Variants in DNAJC21 observed in about 807,000 individuals in gnomAD.
The protein encoded by DNAJC21 is DnaJ heat shock protein family (Hsp40) member C21, also known as dnaJ homolog subfamily C member 21.
In DNAJC21, 63 loss-of-function variants were observed where a neutral mutation model predicts 72.4. The ratio of observed to expected loss-of-function variants is 0.87; its 90% CI spans 0.71 to 1.07. The LOEUF (loss-of-function observed/expected upper bound fraction) is 1.07. Ranked by LOEUF, DNAJC21 falls within the 50% of genes least tolerant of loss-of-function variation. The pLI is 0.00. For synonymous variants in DNAJC21, 203 were observed against 216.7 expected, an observed-to-expected ratio of 0.94 and a Z score of 0.56; for missense variants, 634 against 644.8, an observed-to-expected ratio of 0.98 and a Z score of 0.18.
intron 4 of DNAJC21, among the ~76,000 whole-genome samples, chr5:34,936,567 C>T (rs1385075312): frequency 5.9e-5 from 9 of 152,074 alleles, no homozygotes; most frequent in Non-Finnish European, 1.0e-4. Flanking sequence ...CCTTGGCCTC[C>T]CAAAAGATTG....
chr5:34,941,027 A>G (rs1764968697), intron 6 of DNAJC21, 69 bp from the exon 7 acceptor site: 2 of 1,250,910 alleles, frequency 1.6e-6, no homozygotes, highest in Non-Finnish European at 2.3e-6. Context: ...TTAATTTCTA[A>G]TTTGTTAGCA....
chr5:34,955,905 T>C lies in DNAJC21; in HGVS notation c.*1191T>C, dbSNP rs1255272199. The C allele has an allele frequency of 1.3e-5, 2 of 149,998 alleles. No individual in the cohort carries two copies. The highest frequency in any genetic ancestry group is 3.0e-5 in the Non-Finnish European group (2 of 67,540). 9.3% of individuals were successfully genotyped at this position (149,998 alleles called of 1,614,324 possible). On this transcript the variant is annotated 3_prime_UTR_variant, in exon 12 of 12. Transcript: ENST00000648817. Reference sequence around the variant, plus strand: ...CGTCTCTACTAAAAATACAAAAAATTAGCCGGGCGTAGTGGCGGGCGCCTG... The same window carrying C: ...CGTCTCTACTAAAAATACAAAAAATCAGCCGGGCGTAGTGGCGGGCGCCTG...
intron 5 of DNAJC21, among the ~76,000 whole-genome samples, chr5:34,937,921 A>C (rs988288051): frequency 6.6e-6 from 1 of 151,970 alleles, no homozygotes; most frequent in Admixed American, 6.6e-5. Context: ...CAGCCTCCCA[A>C]GTAGCTGGGA....
chr5:34,941,840 T>TA (rs886435137), intron 7 of DNAJC21, among the ~76,000 whole-genome samples: 14 of 151,888 alleles, frequency 9.2e-5, no homozygotes, highest in Non-Finnish European at 1.0e-4. Context: ...GTGTTGGGAT[T>TA]ACAGGCGTGA....
rs925305083 is a variant in DNAJC21, at chr5:34,951,032, A to T, written c.1358+690A>T. ...GAAAAGAATTAAAGTGAGAGAGCAA[A>T]GTGGGAGCATGACGTGAAAATGCTA... On this transcript the variant is annotated intron_variant, in intron 10 of 11. Coordinates refer to ENST00000648817, the MANE Select transcript of DNAJC21 (RefSeq NM_001012339.3). 9 of 985,384 alleles carry T rather than the reference A, an allele frequency of 9.1e-6. No individual in the cohort carries two copies. In the African/African-American group the frequency reaches 1.6e-4, roughly 17 times the overall value. 61.0% of individuals were successfully genotyped at this position (985,384 alleles called of 1,614,324 possible).
At position 34,958,222 on chromosome 5, in the gene DNAJC21, A is replaced by G. The variant is rs945798559; in HGVS notation, c.*3508A>G. 3.3e-5 allele frequency: 5 copies of G among 152,224 alleles called. No individual in the cohort carries two copies. Among genetic ancestry groups the G allele is most frequent in the African/African-American group, 9.6e-5 (4 of 41,452 alleles). The allele number at this position is 152,224 out of a possible 1,614,324, so 9.4% of individuals were successfully genotyped here. ...AGAGGAAGAGGCATGAACTTGTCCT[A>G]ACAATGTCAAAGAATATTTTAAAGG... On this transcript the variant is annotated 3_prime_UTR_variant, in exon 12 of 12. Coordinates refer to ENST00000648817, the MANE Select transcript of DNAJC21 (RefSeq NM_001012339.3).
Position 34,933,899 on chromosome 5 carries a change from A to G in DNAJC21, c.182A>G (p.Glu61Gly). ...TATGATGTGTTGAGTGACCCTCAGG[A>G]AAGAGCATGGTGAGCATCACGCTGT... ...AAYDVLSDPQ[E>G]RAWYDNHREA... Residue 61 changes from glutamate (E) to glycine (G), a missense_variant, in exon 2 of 12, where the codon GAA becomes GGA. Glu to Gly is a moderately conservative substitution (Grantham distance 98, BLOSUM62 -2). Transcript: ENST00000648817. 6.2e-7 allele frequency: 1 copy of G among 1,613,814 alleles called. No homozygotes were observed. The highest frequency in any genetic ancestry group is 8.5e-7 in the Non-Finnish European group (1 of 1,179,838).
intron 7 of DNAJC21, among the ~76,000 whole-genome samples, chr5:34,943,403 A>G (rs1765064336): frequency 6.6e-6 from 1 of 152,208 alleles, no homozygotes; most frequent in South Asian, 2.1e-4. Context: ...CCGCACAAGC[A>G]TGTTGTGCTC....
intron 9 of DNAJC21, among the ~76,000 whole-genome samples, chr5:34,948,181 TATGAGCCC>T (rs1765235620): frequency 6.6e-6 from 1 of 152,158 alleles, no homozygotes; most frequent in Non-Finnish European, 1.5e-5. Flanking sequence ...GAGATGTTGG[TATGAGCCC>T]ATGATTTAAA....
In DNAJC21 at chr5:34,937,616, G is replaced by C. The variant is rs1764830968; in HGVS notation, c.729G>C (p.Lys243Asn). ...RKAEEMRRQQKLKQAKLVEQY... is the reference protein window; with the variant it reads ...RKAEEMRRQQNLKQAKLVEQY... ...CCGAAGAGATGAGGCGGCAGCAGAA[G>C]CTAAAGCAGGCCAAGTGCGTAGCGT... Residue 243 changes from lysine to asparagine, a missense_variant, in exon 5 of 12, where the codon AAG (lysine) becomes AAC (asparagine). Coordinates refer to ENST00000648817, the MANE Select transcript of DNAJC21 (RefSeq NM_001012339.3). The C allele has an allele frequency of 1.2e-6, 2 of 1,612,410 alleles. No homozygotes were observed. Among genetic ancestry groups the C allele is most frequent in the African/African-American group, 1.3e-5 (1 of 74,912 alleles).
intron 10 of DNAJC21, chr5:34,952,081 G>A (rs1334008220): frequency 2.0e-6 from 2 of 985,164 alleles, no homozygotes; most frequent in Non-Finnish European, 2.4e-6. Context: ...CTCTGGAGTG[G>A]TGTGGACACT....
At position 34,935,807 on chromosome 5, in the gene DNAJC21, T is replaced by C; in HGVS notation, c.289T>C (p.Tyr97His). 1 of 1,614,048 alleles carries C rather than the reference T, an allele frequency of 6.2e-7. No individual in the cohort carries two copies. Among genetic ancestry groups the C allele is most frequent in the South Asian group, 1.1e-5 (1 of 91,080 alleles). The change falls in exon 3 of 12, where the codon TAT (tyrosine) becomes CAT (histidine). Residue 97 changes from tyrosine (Y) to histidine (H), a missense_variant. By Grantham distance (83) the Tyr-to-His change is moderately conservative (BLOSUM62 2). Transcript: ENST00000648817. ...DLLRYFTVTC[Y>H]SGYGDDEKGF... Reference sequence around the variant, plus strand: ...GCTACGCTATTTCACCGTTACCTGTTATTCTGGTTATGGAGATGATGAAAA... The same window carrying C: ...GCTACGCTATTTCACCGTTACCTGTCATTCTGGTTATGGAGATGATGAAAA...
At chr5:34,941,343 A>G (rs1764983475) in intron 7 of DNAJC21, among the ~76,000 whole-genome samples, 160 bp downstream of exon 7, 1 of 151,992 alleles carries the variant, frequency 6.6e-6, no homozygotes, top group Non-Finnish European at 1.5e-5. Flanking sequence ...GGCTACAGGA[A>G]CCTGCCATCA....
Position 34,954,938 on chromosome 5 carries a change from A to T in DNAJC21, c.*224A>T. ...CCATCTGAATTGACTTGAATGTCTTAAAACAGGTAAATACTGTAAAGTGTG... is the reference window on the plus strand; with the variant it reads ...CCATCTGAATTGACTTGAATGTCTTTAAACAGGTAAATACTGTAAAGTGTG... On this transcript the variant is annotated 3_prime_UTR_variant, in exon 12 of 12. Coordinates refer to ENST00000648817, the MANE Select transcript of DNAJC21 (RefSeq NM_001012339.3). 2.4e-6 allele frequency: 1 copy of T among 411,986 alleles called. No homozygotes were observed. The highest frequency in any genetic ancestry group is 4.2e-6 in the Non-Finnish European group (1 of 239,408). The allele number at this position is 411,986 out of a possible 1,614,324, so 25.5% of individuals were successfully genotyped here.
At position 34,950,272 on chromosome 5, in the gene DNAJC21, A is replaced by T. The variant is rs1765318679; in HGVS notation, c.1288A>T (p.Ser430Cys). The part of the protein sequence containing the change: ...NQDSAKELED[S>C]PQENVSVTEI... ...AGACAGTGCCAAAGAATTGGAAGATAGTCCCCAGGAAAATGTCAGTGTCAC... is the reference window on the plus strand; with the variant it reads ...AGACAGTGCCAAAGAATTGGAAGATTGTCCCCAGGAAAATGTCAGTGTCAC... The change falls in exon 10 of 12, where the codon AGT becomes TGT. Residue 430 changes from serine (S) to cysteine (C), a missense_variant. Ser to Cys is a moderately radical substitution (Grantham distance 112, BLOSUM62 -1). Transcript: ENST00000648817. 3 of 1,613,838 alleles carry T rather than the reference A, an allele frequency of 1.9e-6. No homozygotes were observed. The highest frequency in any genetic ancestry group is 2.5e-6 in the Non-Finnish European group (3 of 1,179,944).
At chr5:34,947,661 T>G (rs1244340465) in intron 9 of DNAJC21, among the ~76,000 whole-genome samples, 2 of 151,626 alleles carry the variant, frequency 1.3e-5, no homozygotes, top group East Asian at 1.9e-4. Flanking sequence ...ACCATGTTTT[T>G]TTTTTTTTTT....
Position 34,931,108 on chromosome 5 carries a change from C to G in DNAJC21, c.97+1192C>G, listed in dbSNP as rs118106443. The stretch of plus-strand genomic sequence containing the variant: ...ACTGAAGGTGGTGTGTATTGCAGGT[C>G]TGAAAAATAGGGATTATGAGAGGAG... On this transcript the variant is annotated intron_variant, in intron 1 of 11. Coordinates refer to ENST00000648817, the MANE Select transcript of DNAJC21 (RefSeq NM_001012339.3). Among the ~76,000 whole-genome samples the G allele has an allele frequency of 1.3e-3, 205 of 152,022 alleles. No individual in the cohort carries two copies. The East Asian group carries it at 0.024, about 18-fold the overall frequency.
chr5:34,944,959 C>T lies in DNAJC21; in HGVS notation c.1076C>T (p.Pro359Leu), dbSNP rs1765124682. The T allele has an allele frequency of 1.2e-6, 2 of 1,613,948 alleles. No individual in the cohort carries two copies. The highest frequency in any genetic ancestry group is 2.7e-5 in the African/African-American group (2 of 74,904). Reference protein sequence around the residue: ...LEEEEENFSRPQIDENPLDDN... With the variant: ...LEEEEENFSRLQIDENPLDDN... ...GAGGAAGAAGAAAATTTTTCAAGAC[C>T]TCAAATTGATGAAAATCCATTAGAT... The change falls in exon 8 of 12, where the codon CCT becomes CTT. Residue 359 changes from proline (P) to leucine (L), a missense_variant. Coordinates refer to ENST00000648817, the MANE Select transcript of DNAJC21 (RefSeq NM_001012339.3).
Position 34,958,954 on chromosome 5 carries a change from C to G in DNAJC21, c.*4240C>G, listed in dbSNP as rs534168000. On this transcript the variant is annotated 3_prime_UTR_variant, in exon 12 of 12. Transcript: ENST00000648817. ...TAACATTTAGCTTAATAAAAGATAG[C>G]TGGCCTCTCATACCTGCTTCTGCAG... The G allele has an allele frequency of 6.6e-6, 1 of 152,228 alleles. No individual in the cohort carries two copies. Among genetic ancestry groups the G allele is most frequent in the South Asian group, 2.1e-4 (1 of 4,818 alleles). The allele number at this position is 152,228 out of a possible 1,614,324, so 9.4% of individuals were successfully genotyped here.
Sources: allele counts gnomAD v4.1 joint callset (sites outside exome capture counted in the v4.1 genomes callset), GRCh38; gene constraint gnomAD v4.1.1; transcripts MANE v1.5; gene names NCBI Gene and HGNC (gene_info 2026-07-23, HGNC 2026-07-21).